Variants in EYS observed in about 807,000 individuals in gnomAD.
The protein encoded by EYS is EGF-like photoreceptor maintenance factor.
In EYS, 250 loss-of-function variants were observed where a neutral mutation model predicts 282.1. The ratio of observed to expected loss-of-function variants is 0.89; its 90% CI spans 0.80 to 0.98. EYS has a LOEUF of 0.98. Ranked by LOEUF, EYS falls within the 50% of genes least tolerant of loss-of-function variation. EYS has a pLI of 0.00. For missense variants in EYS, 4,016 were observed against 3,709.0 expected (o/e 1.08, Z -2.15); for synonymous variants, 1,355 against 1,282.9 (o/e 1.06, Z -1.20).
At chr6:65,291,558 T>A (rs1165883078) in intron 12 of EYS, among the ~76,000 whole-genome samples, 1 of 151,638 alleles carries the variant, frequency 6.6e-6, no homozygotes, top group Non-Finnish European at 1.5e-5. Context: ...TATAAACATA[T>A]GTACATGAAA....
intron 13 of EYS, among the ~76,000 whole-genome samples, chr6:65,042,441 T>C (rs984582348): frequency 6.6e-5 from 10 of 151,634 alleles, no homozygotes; most frequent in Non-Finnish European, 1.2e-4. Flanking sequence ...TTTCTTGCTT[T>C]CATTTCTGTT....
chr6:63,830,075 C>A (rs1354259620), intron 36 of EYS, among the ~76,000 whole-genome samples: 1 of 152,152 alleles, frequency 6.6e-6, no homozygotes, highest in Non-Finnish European at 1.5e-5. Context: ...TCACCATCAT[C>A]AAAGACCAAA....
chr6:65,408,223 A>T (rs1037276644), intron 5 of EYS, among the ~76,000 whole-genome samples: 2 of 152,074 alleles, frequency 1.3e-5, no homozygotes, highest in Non-Finnish European at 2.9e-5. Context: ...TTCTATCTTT[A>T]TTCATAAGTG....
chr6:65,248,607 C>A (rs367689873), intron 12 of EYS, among the ~76,000 whole-genome samples: 1 of 151,650 alleles, frequency 6.6e-6, no homozygotes, highest in African/African-American at 2.4e-5. Flanking sequence ...CAATCAAATT[C>A]TGTAGGAAAT....
At chr6:64,381,525 G>C (rs1772748205) in intron 29 of EYS, among the ~76,000 whole-genome samples, 1 of 151,992 alleles carries the variant, frequency 6.6e-6, no homozygotes. Flanking sequence ...GATGTGTACA[G>C]GTGAGAATCA....
rs551010947 is a variant in EYS at position 65,509,740 on chromosome 6, C to G, written c.-332-13747G>C. ...AATTAATAATTTTTCTCAGTACTTTCAAACTTAAATGTAAACCTCCTGTCA... is the reference window on the plus strand; with the variant it reads ...AATTAATAATTTTTCTCAGTACTTTGAAACTTAAATGTAAACCTCCTGTCA... On this transcript the variant is annotated intron_variant, in intron 2 of 42. Coordinates refer to ENST00000503581, the MANE Select transcript of EYS (RefSeq NM_001142800.2). 2.3e-4 allele frequency among the ~76,000 whole-genome samples: 35 copies of G among 152,262 alleles called. No homozygotes were observed. The South Asian group carries it at 7.3e-3, about 32-fold the overall frequency.
chr6:64,539,748 G>C (rs925132220), intron 26 of EYS, among the ~76,000 whole-genome samples: 1 of 152,276 alleles, frequency 6.6e-6, no homozygotes, highest in East Asian at 1.9e-4. Flanking sequence ...TGGCATGTAA[G>C]ATATTAATAA....
chr6:65,673,107 G>T (rs12197906), intron 1 of EYS, among the ~76,000 whole-genome samples: 1 of 152,006 alleles, frequency 6.6e-6, no homozygotes, highest in Admixed American at 6.6e-5. Flanking sequence ...ATACGTGCAG[G>T]TCACAGGGGA....
intron 22 of EYS, among the ~76,000 whole-genome samples, chr6:64,745,780 C>T (rs1452176642): frequency 6.6e-6 from 1 of 152,094 alleles, no homozygotes; most frequent in Non-Finnish European, 1.5e-5. Flanking sequence ...AGCATTATAG[C>T]TTTTGTTTTG....
intron 5 of EYS, among the ~76,000 whole-genome samples, chr6:65,482,707 T>C (rs915628521): frequency 1.3e-5 from 2 of 152,202 alleles, no homozygotes; most frequent in African/African-American, 4.8e-5. Context: ...ACTAGTCAGA[T>C]TGGATCTCTT....
chr6:64,107,277 ATATATATT>A (rs1171330847), intron 31 of EYS, among the ~76,000 whole-genome samples: 2 of 89,498 alleles, frequency 2.2e-5, no homozygotes, highest in African/African-American at 4.4e-5. Flanking sequence ...GTGTGTATAT[ATATATATT>A]TATATATATA....
chr6:64,250,708 A>C (rs978955322), intron 30 of EYS, among the ~76,000 whole-genome samples: 3 of 152,206 alleles, frequency 2.0e-5, no homozygotes, highest in African/African-American at 7.2e-5. Flanking sequence ...TATGCACCTA[A>C]AAAACTAGAA....
intron 2 of EYS, among the ~76,000 whole-genome samples, chr6:65,590,952 T>C (rs1765211231): frequency 6.6e-6 from 1 of 151,982 alleles, no homozygotes; most frequent in Non-Finnish European, 1.5e-5. Context: ...GTTCAGATAT[T>C]TCTTCATCAT....
At chr6:64,806,756 A>C (rs1764440661) in intron 22 of EYS, among the ~76,000 whole-genome samples, 1 of 151,938 alleles carries the variant, frequency 6.6e-6, no homozygotes, top group Non-Finnish European at 1.5e-5. Context: ...TTGGAGCTGG[A>C]GGGTGGGAAA....
At chr6:65,345,756 T>A (rs1291774073) in intron 9 of EYS, among the ~76,000 whole-genome samples, 2 of 148,612 alleles carry the variant, frequency 1.3e-5, no homozygotes, top group Non-Finnish European at 3.0e-5. Flanking sequence ...AACAGAGAAT[T>A]AAAAAAATAA....
At chr6:64,328,015 G>C (rs1770494442) in intron 29 of EYS, among the ~76,000 whole-genome samples, 1 of 152,152 alleles carries the variant, frequency 6.6e-6, no homozygotes, top group African/African-American at 2.4e-5. Flanking sequence ...AGAAACATGG[G>C]AACAAATTTA....
At chr6:64,171,724 TA>T (rs1235841844) in intron 31 of EYS, among the ~76,000 whole-genome samples, 2 of 152,106 alleles carry the variant, frequency 1.3e-5, no homozygotes, top group Non-Finnish European at 2.9e-5. Context: ...CTCCATAGAT[TA>T]AAAAAAAGTT....
chr6:64,677,242 A>T (rs985698016), intron 22 of EYS, among the ~76,000 whole-genome samples: 1 of 152,026 alleles, frequency 6.6e-6, no homozygotes, highest in Non-Finnish European at 1.5e-5. Flanking sequence ...GTTTAGTGTT[A>T]TTTTTTAACC....
At chr6:64,214,751 G>A (rs1297976425) in intron 31 of EYS, among the ~76,000 whole-genome samples, 1 of 151,934 alleles carries the variant, frequency 6.6e-6, no homozygotes, top group South Asian at 2.1e-4. Context: ...TATGTGGCTA[G>A]AACATATTTA....
Sources: allele counts gnomAD v4.1 joint callset (sites outside exome capture counted in the v4.1 genomes callset), GRCh38; gene constraint gnomAD v4.1.1; transcripts MANE v1.5; gene names NCBI Gene and HGNC (gene_info 2026-07-23, HGNC 2026-07-21).